The following TCOF1 variants were observed in gnomAD, a reference collection of about 807,000 sequenced individuals.
TCOF1 encodes the protein treacle protein.
A neutral mutation model predicts 149.0 loss-of-function variants in TCOF1; 33 were observed. The ratio of observed to expected loss-of-function variants is 0.22; its 90% CI spans 0.17 to 0.30. The LOEUF (loss-of-function observed/expected upper bound fraction) is 0.30, where lower values mean the gene tolerates loss of function less well. Ranked by LOEUF, TCOF1 falls within the 10% of genes least tolerant of loss-of-function variation. TCOF1 has a pLI of 1.00. For missense variants in TCOF1, 1,728 were observed against 1,840.7 expected (o/e 0.94, Z 1.12); for synonymous variants, 789 against 738.8 (o/e 1.07, Z -1.10).
chr5:150,387,994 G>A lies in TCOF1; in HGVS notation c.2952G>A (p.Pro984=), dbSNP rs536665269. 1.6e-5 allele frequency: 26 copies of A among 1,613,748 alleles called. No homozygotes were observed. The highest frequency in any genetic ancestry group is 2.2e-5 in the East Asian group (1 of 44,896). ...TPAQAQAAST[P]RKARASESTA... ...CACAAGCCCAGGCTGCAAGCACCCC[G>A]AGGAAGGCCCGAGCCTCGGAGAGCA... The change falls in exon 18 of 27, where the codon CCG becomes CCA. Residue 984 remains proline, a synonymous_variant. Transcript: ENST00000643257.
chr5:150,376,648 C>G, intron 14 of TCOF1, 28 bp downstream of exon 14: 1 of 1,549,404 alleles, frequency 6.5e-7, no homozygotes, highest in Non-Finnish European at 8.7e-7. Context: ...CAGGCCCATC[C>G]CACCCACACC....
At chr5:150,393,185 A>G in intron 22 of TCOF1, 187 bp from the exon 23 acceptor site, 1 of 662,704 alleles carries the variant, frequency 1.5e-6, no homozygotes, top group Non-Finnish European at 2.6e-6. Context: ...TAATTAAAAT[A>G]GTTCAGGAGG....
chr5:150,379,468 A>G (rs1449009229), intron 16 of TCOF1, 60 bp downstream of exon 16: 1 of 1,614,030 alleles, frequency 6.2e-7, no homozygotes, highest in Non-Finnish European at 8.5e-7. Context: ...TGCCACATCC[A>G]GCTCCTGTCT....
At chr5:150,392,319 T>C (rs1767610500) in intron 21 of TCOF1, 143 bp downstream of exon 21, 2 of 786,878 alleles carry the variant, frequency 2.5e-6, no homozygotes, top group Non-Finnish European at 4.0e-6. Context: ...TCCCCACCTG[T>C]ACAACTTCAT....
At chr5:150,389,147 A>T (rs1306239045) in intron 18 of TCOF1, among the ~76,000 whole-genome samples, 1 of 152,228 alleles carries the variant, frequency 6.6e-6, no homozygotes, top group Non-Finnish European at 1.5e-5. Context: ...ATGTGTGTGT[A>T]TATTTTTTTA....
At chr5:150,389,763 C>T in intron 18 of TCOF1, 124 bp from the exon 19 acceptor site, 1 of 1,550,736 alleles carries the variant, frequency 6.4e-7, no homozygotes, top group Non-Finnish European at 8.8e-7. Flanking sequence ...CAAGCTTCTA[C>T]CTCTGTAAGC....
In TCOF1 at chr5:150,392,020, G is replaced by A; in HGVS notation, c.3361G>A (p.Gly1121Arg). The change falls in exon 21 of 27, where the codon GGG (glycine) becomes AGG (arginine). Residue 1121 changes from glycine to arginine, a missense_variant. Around this residue, in one of 2 missense-constraint regions of TCOF1, gnomAD observed 1,696 missense variants for 1,765.4 expected, o/e 0.96. Coordinates refer to ENST00000643257, the MANE Select transcript of TCOF1 (RefSeq NM_001371623.1). Reference sequence around the variant, plus strand: ...CCAGAGCACCTCCGTCCAGGCCAAAGGGACCAACAAGCTCAGAAAACCTAA... The same window carrying A: ...CCAGAGCACCTCCGTCCAGGCCAAAAGGACCAACAAGCTCAGAAAACCTAA... ...SPQSTSVQAK[G>R]TNKLRKPKLP... is the part of the protein sequence containing the mutation. 1 of 1,614,224 alleles carries A rather than the reference G, an allele frequency of 6.2e-7. No individual in the cohort carries two copies. Among genetic ancestry groups the A allele is most frequent in the Non-Finnish European group, 8.5e-7 (1 of 1,180,048 alleles).
rs758743116 is a variant in TCOF1 at position 150,396,618 on chromosome 5, G to A, written c.4121G>A (p.Gly1374Glu). The change falls in exon 24 of 27, where the codon GGG becomes GAG. Residue 1374 changes from glycine to glutamate, a missense_variant. Gly to Glu is a moderately conservative substitution (Grantham distance 98). Coordinates refer to ENST00000643257, the MANE Select transcript of TCOF1 (RefSeq NM_001371623.1). ...KKKKLGAGEG[G>E]EASVSPEKTS... ...AAGAAGCTGGGGGCCGGGGAAGGTG[G>A]GGAGGCCTCTGTTTCCCCAGAAAAG... The A allele has an allele frequency of 3.1e-6, 5 of 1,594,094 alleles. No individual in the cohort carries two copies. The South Asian group carries it at 4.5e-5, about 14-fold the overall frequency.
intron 6 of TCOF1, 138 bp downstream of exon 6, chr5:150,369,740 A>C: frequency 1.0e-6 from 1 of 960,462 alleles, no homozygotes; most frequent in East Asian, 2.6e-5. Context: ...GAAAGGCTGC[A>C]GCCGGAGAGG....
chr5:150,384,087 G>C (rs1284779940), intron 17 of TCOF1: 2 of 1,259,192 alleles, frequency 1.6e-6, no homozygotes, highest in African/African-American at 3.0e-5. Flanking sequence ...GCAACCTCCA[G>C]ACCAGAGCGG....
In TCOF1 at chr5:150,369,577, G is replaced by A; in HGVS notation, c.614G>A (p.Ser205Asn). ...QADSSSEDTS[S>N]SSDETDVEGK... ...GACAGCTCCAGCGAGGACACCTCCA[G>A]CTCCAGTGATGAGACAGACGTGGAG... The change falls in exon 6 of 27, where the codon AGC becomes AAC. Residue 205 changes from serine to asparagine, a missense_variant. Physicochemically the swap from Ser to Asn is conservative, Grantham distance 46. Around this residue, in one of 2 missense-constraint regions of TCOF1, gnomAD observed 1,696 missense variants for 1,765.4 expected, o/e 0.96. Coordinates refer to ENST00000643257, the MANE Select transcript of TCOF1 (RefSeq NM_001371623.1). 6.2e-7 allele frequency: 1 copy of A among 1,614,152 alleles called. No homozygotes were observed. The highest frequency in any genetic ancestry group is 1.1e-5 in the South Asian group (1 of 91,086).
Position 150,389,752 on chromosome 5 carries a change from A to G in TCOF1, c.3047-135A>G, listed in dbSNP as rs1235389614. 22 of 1,512,336 alleles carry G rather than the reference A, an allele frequency of 1.5e-5. No homozygotes were observed. In the East Asian group the frequency reaches 4.3e-4, roughly 30 times the overall value. The allele number at this position is 1,512,336 out of a possible 1,614,324, so 93.7% of individuals were successfully genotyped here. A position where few individuals can be genotyped will look rare whatever the true frequency, so the allele number is the denominator to read the frequency against. ...CTGGGAGGCTTGGAGAGGGAAGTAA[A>G]CAAGCTTCTACCTCTGTAAGCCCTG... On this transcript the variant is annotated intron_variant, in intron 18 of 26. Transcript: ENST00000643257.
At chr5:150,358,851 G>A (rs1314227046) in intron 1 of TCOF1, among the ~76,000 whole-genome samples, 1 of 150,382 alleles carries the variant, frequency 6.6e-6, no homozygotes, top group Non-Finnish European at 1.5e-5. Flanking sequence ...AAAAAAGAGA[G>A]ATGGATGGCA....
intron 1 of TCOF1, among the ~76,000 whole-genome samples, chr5:150,358,285 A>G (rs1014512523): frequency 6.6e-6 from 1 of 152,088 alleles, no homozygotes; most frequent in Non-Finnish European, 1.5e-5. Context: ...AAGGGACCCT[A>G]CAGCCTCTTA....
intron 17 of TCOF1, chr5:150,383,289 A>C: frequency 4.8e-6 from 4 of 830,370 alleles, no homozygotes; most frequent in Non-Finnish European, 7.4e-6. Context: ...ACAGCACCTC[A>C]CAGCTTCCAG....
chr5:150,398,871 AG>A, intron 25 of TCOF1, 150 bp from the exon 26 acceptor site: 1 of 1,086,964 alleles, frequency 9.2e-7, no homozygotes, highest in Admixed American at 2.0e-5. Context: ...TGTATTTAGG[AG>A]AGCTGAACAT....
rs775522256 is a variant in TCOF1 at position 150,375,442 on chromosome 5, C to A, written c.1592C>A (p.Pro531His). ...CCAGTGCCACCCGGGAAGGTGGGGC[C>A]TGCAACCCCCTCAGCCCAGGTGGGG... ...AGPVPPGKVG[P>H]ATPSAQVGKW... Residue 531 changes from proline (P) to histidine (H), a missense_variant, in exon 11 of 27, where the codon CCT (proline) becomes CAT (histidine). Pro to His is a moderately conservative substitution (Grantham distance 77). This residue lies in a region of TCOF1 where 1,696 missense variants were observed against 1,765.4 expected (regional missense o/e 0.96). Transcript: ENST00000643257. 2 of 1,613,830 alleles carry A rather than the reference C, an allele frequency of 1.2e-6. No homozygotes were observed.
intron 9 of TCOF1, 51 bp from the exon 10 acceptor site, chr5:150,374,903 C>T (rs746702277): frequency 1.2e-6 from 2 of 1,613,780 alleles, no homozygotes; most frequent in Non-Finnish European, 1.7e-6. Flanking sequence ...CAGCTCCTGT[C>T]TCCACACGTC....
At chr5:150,385,034 G>A in intron 17 of TCOF1, 1 of 985,376 alleles carries the variant, frequency 1.0e-6, no homozygotes, top group Middle Eastern at 5.2e-4. Flanking sequence ...GTCTGTGCTG[G>A]GGTCAGGACA....
Sources: gnomAD v4.1 joint callset for allele counts (sites outside exome capture counted in the v4.1 genomes callset) on GRCh38, gnomAD v4.1.1 for gene constraint, gnomAD v4.1.1 regional missense constraint, MANE v1.5 for transcripts, NCBI Gene and HGNC (gene_info 2026-07-23, HGNC 2026-07-21) for gene names.